SFXN5: variants seen among roughly 807,000 people sequenced by gnomAD.
The protein encoded by SFXN5 is sideroflexin-5.
In SFXN5, 43 loss-of-function variants were observed where a neutral mutation model predicts 50.2. The ratio of observed to expected loss-of-function variants is 0.86; its 90% CI spans 0.67 to 1.11. The LOEUF is 1.11. Among genes scored for constraint, SFXN5 ranks in the 50% least tolerant of loss-of-function variants. SFXN5 has a pLI of 0.00. For synonymous variants in SFXN5, 203 were observed against 185.8 expected (o/e 1.09, Z -0.75); for missense variants, 463 against 454.1 (o/e 1.02, Z -0.18).
In SFXN5 at chr2:72,973,137, CGAGA is replaced by C. The variant is rs566674015; in HGVS notation, c.626-1456_626-1453del. 1.2e-3 allele frequency: 190 copies of C among 152,332 alleles called. 2 individuals carry two copies. Among genetic ancestry groups the C allele is most frequent in the Middle Eastern group, 6.8e-3 (2 of 296 alleles). The allele number at this position is 152,332 out of a possible 1,614,324, so 9.4% of individuals were successfully genotyped here. A position where few individuals can be genotyped will look rare whatever the true frequency, so the allele number is the denominator to read the frequency against. ...GGAGGTGGAATAAACAGGGGAAGAC[CGAGA>C]GACTCTGCAGTCTTTGGAGAAGAAA... On this transcript the variant is annotated intron_variant, in intron 10 of 13. Coordinates refer to ENST00000272433, the MANE Select transcript of SFXN5 (RefSeq NM_144579.3). This position sits in a 1 kb window ranked among gnomAD's most constrained non-coding sequence, Gnocchi z 5.5.
intron 6 of SFXN5, among the ~76,000 whole-genome samples, chr2:73,002,693 T>A (rs1441351798): frequency 1.3e-5 from 2 of 151,604 alleles, no homozygotes; most frequent in Non-Finnish European, 2.9e-5. Flanking sequence ...ACACACACAA[T>A]CTATATTTAT....
At chr2:72,946,770 C>A (rs537175709) in intron 13 of SFXN5, among the ~76,000 whole-genome samples, 1 of 152,294 alleles carries the variant, frequency 6.6e-6, no homozygotes, top group Non-Finnish European at 1.5e-5. Flanking sequence ...CCAGCCCAGT[C>A]CGTCCCCAAC....
chr2:72,949,782 G>T (rs1245403887), intron 13 of SFXN5, among the ~76,000 whole-genome samples: 1 of 152,160 alleles, frequency 6.6e-6, no homozygotes, highest in Admixed American at 6.5e-5. Flanking sequence ...TTCTGAAGAT[G>T]AAATCCACAG....
At chr2:72,954,628 A>G (rs553746437) in intron 13 of SFXN5, among the ~76,000 whole-genome samples, 1 of 152,154 alleles carries the variant, frequency 6.6e-6, no homozygotes, top group East Asian at 1.9e-4. Context: ...ACACTACCCA[A>G]TCTCTCATCC....
At chr2:72,984,414 G>A (rs746649066) in intron 10 of SFXN5, among the ~76,000 whole-genome samples, 2 of 152,260 alleles carry the variant, frequency 1.3e-5, no homozygotes, top group South Asian at 4.1e-4. Context: ...GGAGGACACC[G>A]CGTAGCCTTG....
chr2:73,018,250 G>A (rs764619893), intron 6 of SFXN5, among the ~76,000 whole-genome samples: 2 of 149,416 alleles, frequency 1.3e-5, no homozygotes, highest in African/African-American at 4.9e-5. Context: ...AACAGAAAAG[G>A]AAGAAAAGGA....
rs1291492398 is a variant in SFXN5 at position 72,960,689 on chromosome 2, T to C, written c.945+442A>G. Among the ~76,000 whole-genome samples, 2 of 152,112 alleles carry C rather than the reference T, an allele frequency of 1.3e-5. No individual in the cohort carries two copies. The highest frequency in any genetic ancestry group is 4.8e-5 in the African/African-American group (2 of 41,414). On this transcript the variant is annotated intron_variant, in intron 13 of 13. Coordinates refer to ENST00000272433, the MANE Select transcript of SFXN5 (RefSeq NM_144579.3). The surrounding 1 kb of genome is among the most constrained non-coding windows in gnomAD (Gnocchi z 6.1). ...CCCAGGCCACATCACCTTGCTGCACTCCCTGGTTGCGCTGCAGACTTTGGT... is the reference window on the plus strand; with the variant it reads ...CCCAGGCCACATCACCTTGCTGCACCCCCTGGTTGCGCTGCAGACTTTGGT...
At chr2:73,008,076 A>C (rs1674954123) in intron 6 of SFXN5, among the ~76,000 whole-genome samples, 1 of 152,166 alleles carries the variant, frequency 6.6e-6, no homozygotes, top group Admixed American at 6.5e-5. Flanking sequence ...GGGAGATGTC[A>C]GGAGGGCCCT....
At chr2:72,970,154 T>C (rs573405394) in intron 11 of SFXN5, among the ~76,000 whole-genome samples, 1 of 152,182 alleles carries the variant, frequency 6.6e-6, no homozygotes, top group South Asian at 2.1e-4. Flanking sequence ...TCAGGGGGGC[T>C]GGGGAAAAGA....
chr2:72,983,642 C>T (rs575022364), intron 10 of SFXN5, among the ~76,000 whole-genome samples: 1 of 152,310 alleles, frequency 6.6e-6, no homozygotes, highest in African/African-American at 2.4e-5. Context: ...CACACCTACC[C>T]GGAGTCCAGA....
At chr2:73,006,809 GA>G (rs770629545) in intron 6 of SFXN5, among the ~76,000 whole-genome samples, 5 of 152,170 alleles carry the variant, frequency 3.3e-5, no homozygotes, top group Non-Finnish European at 7.3e-5. Context: ...CTTCACCAGG[GA>G]TGCTGGCTCC....
chr2:72,984,292 C>T (rs1671640895), intron 10 of SFXN5, among the ~76,000 whole-genome samples: 1 of 152,226 alleles, frequency 6.6e-6, no homozygotes, highest in African/African-American at 2.4e-5. Flanking sequence ...GTGAGCATCC[C>T]AGGGCTTCCC....
intron 1 of SFXN5, among the ~76,000 whole-genome samples, chr2:73,063,530 T>A (rs1187198933): frequency 6.6e-6 from 1 of 152,202 alleles, no homozygotes; most frequent in Non-Finnish European, 1.5e-5. Flanking sequence ...CTTGTTTCCT[T>A]AAAAACTATA....
intron 10 of SFXN5, among the ~76,000 whole-genome samples, chr2:72,978,482 C>T (rs1468647128): frequency 6.6e-6 from 1 of 152,030 alleles, no homozygotes; most frequent in Non-Finnish European, 1.5e-5. Context: ...GGGTTTTCAC[C>T]ATGTTGGCTA....
chr2:73,047,285 T>TATATATATATATATATATACACAC (rs1268079277), intron 2 of SFXN5, among the ~76,000 whole-genome samples: 26 of 92,518 alleles, frequency 2.8e-4, no homozygotes, highest in East Asian at 3.7e-4. Context: ...TACACACATA[T>TATATATATATATATATATACACAC]ATATATATAT....
In SFXN5 at chr2:72,961,769, G is replaced by A. The variant is rs1673776388; in HGVS notation, c.828-521C>T. Among the ~76,000 whole-genome samples, 1 of 152,200 alleles carries A rather than the reference G, an allele frequency of 6.6e-6. No individual in the cohort carries two copies. Among genetic ancestry groups the A allele is most frequent in the Admixed American group, 6.5e-5 (1 of 15,282 alleles). On this transcript the variant is annotated intron_variant, in intron 12 of 13. Transcript: ENST00000272433. This position sits in a 1 kb window ranked among gnomAD's most constrained non-coding sequence, Gnocchi z 4.4. ...TGATCCTCCTCTATGTGTGAGAACA[G>A]AAGACACCCCACTGGCCACCTTGTC...
intron 10 of SFXN5, among the ~76,000 whole-genome samples, chr2:72,978,408 A>C (rs1052000084): frequency 2.7e-5 from 4 of 149,862 alleles, no homozygotes; most frequent in African/African-American, 7.4e-5. Flanking sequence ...TCAGCCTCCC[A>C]AGTAGCTGCA....
chr2:72,998,522 G>C (rs1673517733), intron 9 of SFXN5: 2 of 179,578 alleles, frequency 1.1e-5, no homozygotes, highest in Non-Finnish European at 2.4e-5. Flanking sequence ...CATAGAGAGG[G>C]AAAAGCAGTG....
intron 10 of SFXN5, among the ~76,000 whole-genome samples, chr2:72,979,723 T>C (rs1240088328): frequency 1.3e-5 from 2 of 152,288 alleles, no homozygotes; most frequent in South Asian, 2.1e-4. Flanking sequence ...ATGACTGCCA[T>C]GGAAAGACAT....
Sources: gnomAD v4.1 joint callset for allele counts (sites outside exome capture counted in the v4.1 genomes callset) on GRCh38, gnomAD v4.1.1 for gene constraint, Gnocchi (gnomAD v3.1) non-coding constraint, MANE v1.5 for transcripts, NCBI Gene and HGNC (gene_info 2026-07-23, HGNC 2026-07-21) for gene names.